Variants in DEPDC4 observed in about 807,000 individuals in gnomAD.
The protein encoded by DEPDC4 is DEP domain-containing protein 4.
Under a neutral mutation model 52.0 loss-of-function variants are expected in DEPDC4, and 52 were observed. The observed-to-expected ratio is 1.00, with a 90% CI of 0.80 to 1.26. DEPDC4 has a LOEUF of 1.26. Among genes scored for constraint, DEPDC4 ranks in the 50% most tolerant of loss-of-function variants. The pLI is 0.00. For synonymous variants in DEPDC4, 201 were observed against 196.8 expected, an observed-to-expected ratio of 1.02 and a Z score of -0.18; for missense variants, 530 against 546.9, an observed-to-expected ratio of 0.97 and a Z score of 0.31.
chr12:100,255,502 C>T (rs2096228855), intron 4 of DEPDC4, among the ~76,000 whole-genome samples: 1 of 152,092 alleles, frequency 6.6e-6, no homozygotes. Flanking sequence ...TGCTGGAATC[C>T]CAACAGTACT....
At chr12:100,275,159 A>T in the DEPDC4 span, among the ~76,000 whole-genome samples, 1 of 151,978 alleles carries the variant, frequency 6.6e-6, no homozygotes, top group South Asian at 2.1e-4. Flanking sequence ...AGTATTTTTA[A>T]ATTTTAAATT....
At chr12:100,260,593 C>T (rs887249858) in intron 3 of DEPDC4, among the ~76,000 whole-genome samples, 3 of 150,840 alleles carry the variant, frequency 2.0e-5, no homozygotes, top group Non-Finnish European at 4.4e-5. Context: ...AGTTCTCTTA[C>T]GGCCAGGCAT....
upstream of DEPDC4, among the ~76,000 whole-genome samples, chr12:100,270,734 C>T (rs942370854): frequency 6.6e-6 from 1 of 151,790 alleles, no homozygotes; most frequent in Non-Finnish European, 1.5e-5. Context: ...CTTGGCCTCC[C>T]AAAGTGCTAG....
At chr12:100,267,948 G>GA (rs533544458), upstream of DEPDC4, among the ~76,000 whole-genome samples, 27 of 152,220 alleles carry the variant, frequency 1.8e-4, 1 homozygote, top group East Asian at 5.0e-3. Flanking sequence ...TTTGTTAAGA[G>GA]AAAAAACCCC....
At chr12:100,246,211 CTG>C (rs1824980967) in intron 8 of DEPDC4, among the ~76,000 whole-genome samples, 1 of 151,452 alleles carries the variant, frequency 6.6e-6, no homozygotes, top group Non-Finnish European at 1.5e-5. Context: ...TTTGCTCACA[CTG>C]TTCTAATTCT....
chr12:100,238,959 AT>A (rs2096148251), downstream of DEPDC4, among the ~76,000 whole-genome samples: 1 of 152,186 alleles, frequency 6.6e-6, no homozygotes, highest in East Asian at 1.9e-4. Context: ...ACAGCCATGG[AT>A]TGTCTTCCTA....
At chr12:100,244,762 C>T (rs2096178146) in intron 8 of DEPDC4, among the ~76,000 whole-genome samples, 1 of 150,886 alleles carries the variant, frequency 6.6e-6, no homozygotes, top group Admixed American at 6.7e-5. Flanking sequence ...GCACCCAACC[C>T]AGATATTTAT....
chr12:100,260,067 G>T (rs2096248325), intron 3 of DEPDC4, among the ~76,000 whole-genome samples: 1 of 151,344 alleles, frequency 6.6e-6, no homozygotes, highest in Admixed American at 6.6e-5. Flanking sequence ...ATAACAAATT[G>T]CTTAGCACAG....
chr12:100,262,533 C>A, intron 2 of DEPDC4, 124 bp from the exon 3 acceptor site: 1 of 679,466 alleles, frequency 1.5e-6, no homozygotes, highest in South Asian at 3.4e-5. Context: ...TTTCAGGCAG[C>A]TTATAATAAA....
At chr12:100,262,466 A>T in intron 2 of DEPDC4, 57 bp from the exon 3 acceptor site, 1 of 1,316,262 alleles carries the variant, frequency 7.6e-7, no homozygotes, top group Non-Finnish European at 1.0e-6. Flanking sequence ...AATTTCAAAT[A>T]TATATTTAAA....
chr12:100,276,401 T>G, the DEPDC4 span, among the ~76,000 whole-genome samples: 1 of 152,200 alleles, frequency 6.6e-6, no homozygotes, highest in Non-Finnish European at 1.5e-5. Flanking sequence ...GGCACAATCA[T>G]GGCTCACTGC....
upstream of DEPDC4, among the ~76,000 whole-genome samples, chr12:100,268,989 CCTGA>C (rs1291100411): frequency 6.6e-6 from 1 of 152,198 alleles, no homozygotes; most frequent in Non-Finnish European, 1.5e-5. Context: ...CATCTCTCAT[CCTGA>C]CTACTTCCGT....
Position 100,241,634 on chromosome 12 carries a change from T to C in DEPDC4, c.*258A>G. The C allele has an allele frequency of 8.8e-7, 1 of 1,142,834 alleles. No individual in the cohort carries two copies. The highest frequency in any genetic ancestry group is 1.7e-5 in the South Asian group (1 of 58,584). 70.8% of individuals were successfully genotyped at this position (1,142,834 alleles called of 1,614,324 possible). On this transcript the variant is annotated 3_prime_UTR_variant, in exon 10 of 10. Coordinates refer to ENST00000550587, the MANE Select transcript of DEPDC4 (RefSeq NM_001364818.2). ...TTGAGAAAACCACCAGAGAATTGTT[T>C]ATATTTACAAATTGTAGTTTCTTGT...
At chr12:100,245,112 C>T (rs1356033259) in intron 8 of DEPDC4, among the ~76,000 whole-genome samples, 3 of 151,486 alleles carry the variant, frequency 2.0e-5, no homozygotes, top group East Asian at 2.0e-4. Context: ...CCTTGTGATC[C>T]GCCTGCCTTG....
At chr12:100,254,675 C>A (rs2096224694) in intron 4 of DEPDC4, among the ~76,000 whole-genome samples, 1 of 151,862 alleles carries the variant, frequency 6.6e-6, no homozygotes, top group South Asian at 2.1e-4. Flanking sequence ...CTCTCTACCT[C>A]CCTCTCTCCT....
rs1178976634 is a variant in DEPDC4, at chr12:100,240,874, G to A, written c.*1018C>T. 6.6e-6 allele frequency among the ~76,000 whole-genome samples: 1 copy of A among 152,158 alleles called. No homozygotes were observed. The highest frequency in any genetic ancestry group is 6.5e-5 in the Admixed American group (1 of 15,280). ...TCAAGACTAGCCTGGCCAACATGGC[G>A]AAACACTGTCTCTACTAAAACTACA... is the stretch of plus-strand genomic sequence containing the variant. On this transcript the variant is annotated 3_prime_UTR_variant, in exon 10 of 10. Coordinates refer to ENST00000550587, the MANE Select transcript of DEPDC4 (RefSeq NM_001364818.2).
At chr12:100,281,833 C>CA in the DEPDC4 span, among the ~76,000 whole-genome samples, 514 of 58,856 alleles carry the variant, frequency 8.7e-3, 6 homozygotes, top group African/African-American at 0.022. Context: ...GACTCCGTCT[C>CA]AAAAAAAAAA....
chr12:100,234,109 G>GAAAC (rs145093644), intron 9 of DEPDC4, among the ~76,000 whole-genome samples: 48,624 of 151,522 alleles, frequency 0.32, 8,686 homozygotes, highest in African/African-American at 0.46. Flanking sequence ...CCTGTCTCCA[G>GAAAC]AAACAAACAA....
intron 9 of DEPDC4, among the ~76,000 whole-genome samples, chr12:100,242,165 G>A (rs983935386): frequency 6.6e-6 from 1 of 152,150 alleles, no homozygotes; most frequent in Non-Finnish European, 1.5e-5. Flanking sequence ...AAGAATGTCT[G>A]AATTCTATAG....
Sources: gnomAD v4.1 joint callset for allele counts (sites outside exome capture counted in the v4.1 genomes callset) on GRCh38, gnomAD v4.1.1 for gene constraint, MANE v1.5 for transcripts, NCBI Gene and HGNC (gene_info 2026-07-23, HGNC 2026-07-21) for gene names.